Variants in SIGLEC15 observed in about 807,000 individuals in gnomAD.
The protein encoded by SIGLEC15 is sialic acid binding Ig like lectin 15, also known as sialic acid-binding Ig-like lectin 15.
In SIGLEC15, 31 loss-of-function variants were observed where a neutral mutation model predicts 26.2. The observed-to-expected ratio is 1.18, with a 90% CI of 0.89 to 1.60. SIGLEC15 has a LOEUF of 1.60. Among genes scored for constraint, SIGLEC15 ranks in the 40% most tolerant of loss-of-function variants. The pLI is 0.00. For synonymous variants in SIGLEC15, 207 were observed against 221.9 expected, an observed-to-expected ratio of 0.93 and a Z score of 0.60; for missense variants, 501 against 488.4, an observed-to-expected ratio of 1.03 and a Z score of -0.24.
At chr18:45,839,738 G>A (rs926005965) in intron 4 of SIGLEC15, among the ~76,000 whole-genome samples, 5 of 152,168 alleles carry the variant, frequency 3.3e-5, no homozygotes, top group Admixed American at 2.0e-4. Flanking sequence ...CAGAGATCAT[G>A]GTGGATTGAC....
Position 45,838,827 on chromosome 18 carries a change from G to A in SIGLEC15, c.606G>A (p.Pro202=), listed in dbSNP as rs780451018. Reference sequence around the variant, plus strand: ...CGCCCGCCCTCGCCTGGTCCGGCCCGGCCCTGGGCAACAGCTTGGCAGCCG... The same window carrying A: ...CGCCCGCCCTCGCCTGGTCCGGCCCAGCCCTGGGCAACAGCTTGGCAGCCG... The part of the protein sequence containing the change: ...EPPPALAWSG[P]ALGNSLAAVR... The change falls in exon 4 of 6, where the codon CCG becomes CCA. Residue 202 remains proline (P), a synonymous_variant. Transcript: ENST00000389474. The A allele has an allele frequency of 4.0e-5, 63 of 1,563,838 alleles. 1 individual carries two copies. The South Asian group carries it at 5.1e-4, about 13-fold the overall frequency.
chr18:45,841,339 A>G (rs1338941916), intron 5 of SIGLEC15, among the ~76,000 whole-genome samples: 2 of 152,052 alleles, frequency 1.3e-5, no homozygotes, highest in Non-Finnish European at 2.9e-5. Context: ...CCGGGAGAGG[A>G]AAAGGCAAGT....
In SIGLEC15 at chr18:45,833,425, C is replaced by T. The variant is rs150759734; in HGVS notation, c.53-3604C>T. ...TCTGCCTCCTGGGCTCAAGCAATCT[C>T]ATGCTTCAGCCTCCTGCATAGGGAT... On this transcript the variant is annotated intron_variant, in intron 1 of 5. Coordinates refer to ENST00000389474, the MANE Select transcript of SIGLEC15 (RefSeq NM_213602.3). Among the ~76,000 whole-genome samples, 277 of 152,242 alleles carry T rather than the reference C, an allele frequency of 1.8e-3. 3 individuals carry two copies. The highest frequency in any genetic ancestry group is 6.4e-3 in the African/African-American group (264 of 41,550).
At chr18:45,827,713 G>A (rs190600093) in intron 1 of SIGLEC15, among the ~76,000 whole-genome samples, 14 of 152,296 alleles carry the variant, frequency 9.2e-5, no homozygotes, top group East Asian at 5.8e-4. Flanking sequence ...CTCAGTGGCC[G>A]CACGATAAAT....
chr18:45,830,752 A>ATTTTTTTTTTTTT (rs34498635), intron 1 of SIGLEC15, among the ~76,000 whole-genome samples: 9 of 118,140 alleles, frequency 7.6e-5, no homozygotes, highest in Middle Eastern at 4.1e-3. Context: ...TGCCAGGCTA[A>ATTTTTTTTTTTTT]TTTTTTTTTT....
At chr18:45,833,728 G>C (rs2048253453) in intron 1 of SIGLEC15, among the ~76,000 whole-genome samples, 1 of 152,162 alleles carries the variant, frequency 6.6e-6, no homozygotes, top group Admixed American at 6.5e-5. Flanking sequence ...TATTGTTGCT[G>C]TTGCTGTTAG....
In SIGLEC15 at chr18:45,837,669, C is replaced by T. The variant is rs1222980147; in HGVS notation, c.269C>T (p.Pro90Leu). Residue 90 changes from proline (P) to leucine (L), a missense_variant, in exon 3 of 6, where the codon CCG becomes CTG. Pro to Leu is a moderately conservative substitution (Grantham distance 98). Transcript: ENST00000389474. ...IWRAGEPYAG[P>L]QVFRCAAARG... ...CGCGCGGGCGAGCCCTATGCGGGCC[C>T]GCAGGTGTTCCGCTGCGCTGCGGCG... The T allele has an allele frequency of 6.7e-7, 1 of 1,493,450 alleles. No individual in the cohort carries two copies. Among genetic ancestry groups the T allele is most frequent in the Admixed American group, 2.2e-5 (1 of 45,206 alleles). 92.5% of individuals were successfully genotyped at this position (1,493,450 alleles called of 1,614,324 possible). A position where few individuals can be genotyped will look rare whatever the true frequency, so the allele number is the denominator to read the frequency against.
chr18:45,842,461 G>GAGAC lies in SIGLEC15; in HGVS notation c.*274_*275insAGAC. The GAGAC allele has an allele frequency of 2.2e-5, 9 of 416,354 alleles. No homozygotes were observed. The highest frequency in any genetic ancestry group is 2.7e-5 in the Non-Finnish European group (6 of 226,308). The allele number at this position is 416,354 out of a possible 1,614,324, so 25.8% of individuals were successfully genotyped here. On this transcript the variant is annotated 3_prime_UTR_variant, in exon 6 of 6. Transcript: ENST00000389474. ...TGTGTGTGAGAGAGAGAGAGAGAGA[G>GAGAC]TACACGCATTAGCTTGAGCGTGAAA...
intron 1 of SIGLEC15, among the ~76,000 whole-genome samples, chr18:45,832,477 AGGACGTGCCAGGCAC>A (rs1397756265): frequency 6.6e-6 from 1 of 151,208 alleles, no homozygotes; most frequent in Non-Finnish European, 1.5e-5. Flanking sequence ...GAAGGAGCCT[AGGACGTGCCAGGCAC>A]AGATTGGGTG....
chr18:45,840,008 G>C (rs1250546389), intron 4 of SIGLEC15, among the ~76,000 whole-genome samples: 2 of 152,070 alleles, frequency 1.3e-5, no homozygotes, highest in Non-Finnish European at 2.9e-5. Context: ...ACTTTTTACT[G>C]GATTGCTCCT....
chr18:45,828,157 CGT>C (rs2048201499), intron 1 of SIGLEC15, among the ~76,000 whole-genome samples: 4 of 152,198 alleles, frequency 2.6e-5, no homozygotes, highest in Admixed American at 2.6e-4. Flanking sequence ...GCTCCACCAC[CGT>C]GTGTGCACCA....
chr18:45,838,859 GC>G lies in SIGLEC15; in HGVS notation c.641del (p.Pro214ArgfsTer8). 6.3e-7 allele frequency: 1 copy of G among 1,579,720 alleles called. No individual in the cohort carries two copies. The highest frequency in any genetic ancestry group is 1.8e-5 in the Admixed American group (1 of 56,174). ...GGCAACAGCTTGGCAGCCGTGCGGA[GC>G]CCGCGTGAGGGTCACGGCCACCTAG... ...ALGNSLAAVR[S>X]PREGHGHLVT... On this transcript the variant is annotated frameshift_variant, in exon 4 of 6. Coordinates refer to ENST00000389474, the MANE Select transcript of SIGLEC15 (RefSeq NM_213602.3). LOFTEE classifies it high-confidence loss of function.
intron 1 of SIGLEC15, among the ~76,000 whole-genome samples, chr18:45,835,265 A>G (rs2048267943): frequency 6.6e-6 from 1 of 152,238 alleles, no homozygotes; most frequent in Admixed American, 6.5e-5. Context: ...GGCAAGATCC[A>G]GACCAGACCA....
chr18:45,841,471 G>C (rs566293), intron 5 of SIGLEC15, among the ~76,000 whole-genome samples: 1,988 of 151,806 alleles, frequency 0.013, 19 homozygotes, highest in Admixed American at 0.018. Flanking sequence ...GGTTTTAAGC[G>C]GACGCATGGC....
In SIGLEC15 at chr18:45,842,380, G is replaced by T. The variant is rs2048332148; in HGVS notation, c.*193G>T. The T allele has an allele frequency of 1.3e-5, 8 of 599,412 alleles. No individual in the cohort carries two copies. The highest frequency in any genetic ancestry group is 2.1e-5 in the Non-Finnish European group (7 of 337,182). The allele number at this position is 599,412 out of a possible 1,614,324, so 37.1% of individuals were successfully genotyped here. The stretch of plus-strand genomic sequence containing the variant: ...CTCCTATGTGGACAACCATTTCGGA[G>T]CTCCCTGATATTTTTGCCAGCATTT... On this transcript the variant is annotated 3_prime_UTR_variant, in exon 6 of 6. Coordinates refer to ENST00000389474, the MANE Select transcript of SIGLEC15 (RefSeq NM_213602.3).
chr18:45,837,924 G>T (rs1280740124), intron 3 of SIGLEC15, 28 bp downstream of exon 3: 3 of 1,463,320 alleles, frequency 2.1e-6, no homozygotes, highest in Non-Finnish European at 2.7e-6. Context: ...CGGGTCCCCG[G>T]CCTCCCTTCC....
At chr18:45,838,473 T>G (rs940595579) in intron 3 of SIGLEC15, 1 of 560,660 alleles carries the variant, frequency 1.8e-6, no homozygotes, top group African/African-American at 2.0e-5. Flanking sequence ...AGCATGAATT[T>G]GCCAAATCTT....
At position 45,839,061 on chromosome 18, in the gene SIGLEC15, G is replaced by C; in HGVS notation, c.840G>C (p.Gly280=). The C allele has an allele frequency of 6.7e-7, 1 of 1,483,614 alleles. No individual in the cohort carries two copies. The highest frequency in any genetic ancestry group is 8.9e-7 in the Non-Finnish European group (1 of 1,128,666). The allele number at this position is 1,483,614 out of a possible 1,614,324, so 91.9% of individuals were successfully genotyped here. A position where few individuals can be genotyped will look rare whatever the true frequency, so the allele number is the denominator to read the frequency against. The change falls in exon 4 of 6, where the codon GGG becomes GGC. Residue 280 remains glycine (G), a synonymous_variant. Transcript: ENST00000389474. ...GCTTCAAGGCGCTGCTGCTGCTCGG[G>C]GTCCTGGCCGCCCGCGCTGCCCGCC... The part of the protein sequence containing the change: ...ALGFKALLLL[G]VLAARAARRR...
In SIGLEC15 at chr18:45,842,686, C is replaced by G. The variant is rs1443454371; in HGVS notation, c.*499C>G. The G allele has an allele frequency of 6.3e-6, 1 of 158,716 alleles. No homozygotes were observed. Among genetic ancestry groups the G allele is most frequent in the Non-Finnish European group, 1.4e-5 (1 of 71,680 alleles). 9.8% of individuals were successfully genotyped at this position (158,716 alleles called of 1,614,324 possible). ...ACACGGACAATCATATTCTTCCCTC[C>G]TGGCTGGGAGGACTACAAAGATCTG... On this transcript the variant is annotated 3_prime_UTR_variant, in exon 6 of 6. Coordinates refer to ENST00000389474, the MANE Select transcript of SIGLEC15 (RefSeq NM_213602.3).
Sources: allele counts gnomAD v4.1 joint callset (sites outside exome capture counted in the v4.1 genomes callset), GRCh38; gene constraint gnomAD v4.1.1; transcripts MANE v1.5; gene names NCBI Gene and HGNC (gene_info 2026-07-23, HGNC 2026-07-21).